The following PDE11A variants were observed in gnomAD, a reference collection of about 807,000 sequenced individuals.
PDE11A encodes dual 3',5'-cyclic-AMP and -GMP phosphodiesterase 11A.
A neutral mutation model predicts 100.5 loss-of-function variants in PDE11A; 100 were observed. The ratio of observed to expected loss-of-function variants is 1.00; its 90% CI spans 0.85 to 1.18. The LOEUF (loss-of-function observed/expected upper bound fraction) is 1.18, where lower values mean the gene tolerates loss of function less well. PDE11A is among the 50% of genes most tolerant of loss of function. The pLI is 0.00. For missense variants in PDE11A, 1,141 were observed against 1,152.6 expected (o/e 0.99, Z 0.15); for synonymous variants, 381 against 420.8 (o/e 0.91, Z 1.16).
Position 177,906,429 on chromosome 2 carries a change from A to G in PDE11A, c.1072-1242T>C, listed in dbSNP as rs191603298. Among the ~76,000 whole-genome samples the G allele has an allele frequency of 2.0e-5, 3 of 152,302 alleles. No homozygotes were observed. In the East Asian group the frequency reaches 5.8e-4, roughly 29 times the overall value. ...GTACACAAAAGATGAAGGGCAATTC[A>G]CATTCCCTATCGCTGAATTTCCTAT... is the stretch of plus-strand genomic sequence containing the variant. On this transcript the variant is annotated intron_variant, in intron 2 of 19. Transcript: ENST00000286063.
chr2:177,652,817 T>C (rs1354398020), intron 19 of PDE11A, among the ~76,000 whole-genome samples: 3 of 152,194 alleles, frequency 2.0e-5, no homozygotes, highest in South Asian at 4.1e-4. Context: ...AATGGAAGCT[T>C]TTTTGAAGTT....
At chr2:177,941,877 T>C (rs1028638437) in intron 2 of PDE11A, among the ~76,000 whole-genome samples, 14 of 152,160 alleles carry the variant, frequency 9.2e-5, no homozygotes, top group African/African-American at 2.7e-4. Flanking sequence ...TAGAGGATAT[T>C]TTGGCATATG....
chr2:178,044,884 T>C (rs776820630), intron 1 of PDE11A, among the ~76,000 whole-genome samples: 2 of 152,172 alleles, frequency 1.3e-5, no homozygotes, highest in Non-Finnish European at 2.9e-5. Context: ...CCCACTCCAC[T>C]TATTATTTTT....
chr2:177,674,443 T>A (rs1399905923), intron 17 of PDE11A, among the ~76,000 whole-genome samples: 1 of 152,222 alleles, frequency 6.6e-6, no homozygotes, highest in Non-Finnish European at 1.5e-5. Context: ...CAGTTTTCCT[T>A]TGCTCACGGC....
intron 5 of PDE11A, among the ~76,000 whole-genome samples, chr2:177,848,537 G>A (rs2083641463): frequency 6.6e-6 from 1 of 152,206 alleles, no homozygotes; most frequent in Non-Finnish European, 1.5e-5. Context: ...GTAAAGGGCT[G>A]TAGTTTAGAT....
chr2:177,827,648 A>G (rs1485562245), intron 6 of PDE11A, among the ~76,000 whole-genome samples: 1 of 152,222 alleles, frequency 6.6e-6, no homozygotes, highest in Non-Finnish European at 1.5e-5. Flanking sequence ...TATTTATTTT[A>G]ATGCATTCTT....
At chr2:177,778,430 C>A (rs1345264872) in intron 9 of PDE11A, among the ~76,000 whole-genome samples, 1 of 152,200 alleles carries the variant, frequency 6.6e-6, no homozygotes, top group Non-Finnish European at 1.5e-5. Flanking sequence ...CGAGGAGGAA[C>A]AAAGACCCCA....
At chr2:177,648,412 A>T (rs985593708) in intron 19 of PDE11A, among the ~76,000 whole-genome samples, 2 of 152,216 alleles carry the variant, frequency 1.3e-5, no homozygotes, top group Non-Finnish European at 2.9e-5. Flanking sequence ...AAGAGGGAAT[A>T]TAATAACTTT....
rs777493092 is a variant in PDE11A at position 177,841,434 on chromosome 2, C to T, written c.1368-1051G>A. On this transcript the variant is annotated intron_variant, in intron 5 of 19. Coordinates refer to ENST00000286063, the MANE Select transcript of PDE11A (RefSeq NM_016953.4). ...CATGAGATGTTAAATGAGTATACTA[C>T]AGCAAGAATAATCATCACTCTATTG... Among the ~76,000 whole-genome samples the T allele has an allele frequency of 2.5e-4, 38 of 152,298 alleles. No individual in the cohort carries two copies. The South Asian group carries it at 3.1e-3, about 12-fold the overall frequency.
chr2:177,791,061 C>T (rs915889788), intron 9 of PDE11A, among the ~76,000 whole-genome samples: 32 of 152,264 alleles, frequency 2.1e-4, no homozygotes, highest in African/African-American at 6.5e-4. Context: ...GACTATAAAT[C>T]ATGGTGCTAT....
intron 1 of PDE11A, among the ~76,000 whole-genome samples, chr2:178,048,763 T>C (rs1222761633): frequency 6.6e-6 from 1 of 152,228 alleles, no homozygotes; most frequent in Non-Finnish European, 1.5e-5. Context: ...CCTATAAATA[T>C]AAGCCCATAT....
chr2:177,798,838 G>A (rs2082743431), intron 9 of PDE11A, among the ~76,000 whole-genome samples: 1 of 152,142 alleles, frequency 6.6e-6, no homozygotes, highest in African/African-American at 2.4e-5. Context: ...AGGAGGTGGA[G>A]CATAACTCCC....
chr2:177,859,448 A>C (rs2083906120), intron 5 of PDE11A, among the ~76,000 whole-genome samples: 1 of 151,918 alleles, frequency 6.6e-6, no homozygotes, highest in Non-Finnish European at 1.5e-5. Flanking sequence ...CATACACCTA[A>C]TAACACATCC....
chr2:177,631,627 G>GTATATATATATACATATA, intron 19 of PDE11A, among the ~76,000 whole-genome samples: 1 of 124,816 alleles, frequency 8.0e-6, no homozygotes, highest in Non-Finnish European at 1.6e-5. Context: ...ATATATGTGT[G>GTATATATATATACATATA]TGTATATATA....
intron 10 of PDE11A, among the ~76,000 whole-genome samples, chr2:177,741,377 C>T (rs2081869490): frequency 6.6e-6 from 1 of 152,174 alleles, no homozygotes; most frequent in Non-Finnish European, 1.5e-5. Context: ...CCTTAATGAC[C>T]TCTTTAAAAC....
In PDE11A at chr2:177,892,285, C is replaced by T. The variant is rs540218942; in HGVS notation, c.1302+5773G>A. Among the ~76,000 whole-genome samples the T allele has an allele frequency of 8.1e-4, 123 of 152,048 alleles. 1 individual carries two copies. The highest frequency in any genetic ancestry group is 6.8e-3 in the Middle Eastern group (2 of 294). On this transcript the variant is annotated intron_variant, in intron 4 of 19. Coordinates refer to ENST00000286063, the MANE Select transcript of PDE11A (RefSeq NM_016953.4). ...ATTTTTATAGGTATGAACTAGAAAT[C>T]CAGCTTCTTACGGTTTTTTTCCAAA...
chr2:177,731,067 T>C (rs960821457), intron 10 of PDE11A, among the ~76,000 whole-genome samples: 14 of 152,236 alleles, frequency 9.2e-5, no homozygotes, highest in African/African-American at 3.1e-4. Context: ...CTTATTTGAC[T>C]CAGCATAATG....
chr2:177,858,251 T>C (rs1332299624), intron 5 of PDE11A, among the ~76,000 whole-genome samples: 4 of 151,874 alleles, frequency 2.6e-5, no homozygotes, highest in Middle Eastern at 3.2e-3. Context: ...ACAAATGGGA[T>C]CTAATTAAAC....
intron 1 of PDE11A, among the ~76,000 whole-genome samples, chr2:178,053,550 A>G (rs1336587195): frequency 3.3e-5 from 5 of 152,190 alleles, no homozygotes; most frequent in African/African-American, 1.2e-4. Flanking sequence ...AGGGTATTCA[A>G]TTAGGAAAAG....
Sources: gnomAD v4.1 joint callset for allele counts (sites outside exome capture counted in the v4.1 genomes callset) on GRCh38, gnomAD v4.1.1 for gene constraint, MANE v1.5 for transcripts, NCBI Gene and HGNC (gene_info 2026-07-23, HGNC 2026-07-21) for gene names.